Variants in CNTRL observed in about 807,000 individuals in gnomAD.
CNTRL encodes the protein 110 kDa centrosomal protein.
In CNTRL, 233 loss-of-function variants were observed where a neutral mutation model predicts 303.7. The ratio of observed to expected loss-of-function variants is 0.77; its 90% CI spans 0.69 to 0.86. CNTRL has a LOEUF of 0.86. CNTRL is among the 40% of genes least tolerant of loss of function. The pLI, the probability that CNTRL is intolerant of heterozygous loss-of-function variation, is 0.00. For synonymous variants in CNTRL, 900 were observed against 922.2 expected (o/e 0.98, Z 0.44); for missense variants, 2,524 against 2,650.6 (o/e 0.95, Z 1.05).
intron 40 of CNTRL, among the ~76,000 whole-genome samples, chr9:121,172,796 T>C (rs2053366162): frequency 6.6e-6 from 1 of 152,234 alleles, no homozygotes; most frequent in Non-Finnish European, 1.5e-5. Flanking sequence ...TAGTTGCCAG[T>C]TGGGTGCCAC....
chr9:121,088,590 A>G, intron 3 of CNTRL, 47 bp downstream of exon 3: 2 of 1,281,868 alleles, frequency 1.6e-6, no homozygotes, highest in Non-Finnish European at 2.2e-6. Flanking sequence ...TACTTCAAGT[A>G]GAGATGGAAA....
intron 11 of CNTRL, among the ~76,000 whole-genome samples, chr9:121,116,045 G>GA (rs202199630): frequency 0.075 from 11,345 of 151,226 alleles, 597 homozygotes; most frequent in Middle Eastern, 0.13. Context: ...AAACAAAAAG[G>GA]AAAAAAAATA....
At chr9:121,082,714 G>T (rs2048186993) in intron 2 of CNTRL, among the ~76,000 whole-genome samples, 1 of 152,184 alleles carries the variant, frequency 6.6e-6, no homozygotes, top group Admixed American at 6.5e-5. Flanking sequence ...GCTCACACTT[G>T]TAATCCCAGC....
chr9:121,145,214 CA>C (rs770500042), intron 21 of CNTRL, 29 bp from the exon 22 acceptor site: 1 of 1,587,960 alleles, frequency 6.3e-7, no homozygotes, highest in South Asian at 1.2e-5. Context: ...AATTCATTGG[CA>C]ACTTTGTATG....
intron 7 of CNTRL, among the ~76,000 whole-genome samples, chr9:121,098,829 C>G (rs199988291): frequency 7.0e-6 from 1 of 142,600 alleles, no homozygotes; most frequent in East Asian, 2.0e-4. Flanking sequence ...AGAAGACAGA[C>G]AAAAAAAAAA....
intron 1 of CNTRL, among the ~76,000 whole-genome samples, 160 bp downstream of exon 1, chr9:121,075,227 G>A (rs908601187): frequency 4.6e-5 from 7 of 152,382 alleles, no homozygotes; most frequent in Middle Eastern, 3.4e-3. Flanking sequence ...GGACGGGAAA[G>A]AGGGGAGGGC....
At chr9:121,096,223 T>C (rs2048885532) in intron 5 of CNTRL, among the ~76,000 whole-genome samples, 199 bp from the exon 6 acceptor site, 1 of 152,240 alleles carries the variant, frequency 6.6e-6, no homozygotes, top group Non-Finnish European at 1.5e-5. Context: ...CTGGGCATAG[T>C]AATAAAAAGT....
chr9:121,137,404 C>T (rs2051257239), intron 15 of CNTRL, among the ~76,000 whole-genome samples: 1 of 152,116 alleles, frequency 6.6e-6, no homozygotes. Flanking sequence ...CAAATTGTAT[C>T]TGTTTGTTTC....
At chr9:121,081,523 C>A (rs143926731) in intron 2 of CNTRL, among the ~76,000 whole-genome samples, 105 of 152,320 alleles carry the variant, frequency 6.9e-4, no homozygotes, top group Non-Finnish European at 1.2e-3. Flanking sequence ...ATACTTCTGA[C>A]CACCAAGCTA....
chr9:121,156,514 C>T (rs1017131096), intron 27 of CNTRL, among the ~76,000 whole-genome samples: 3 of 152,174 alleles, frequency 2.0e-5, no homozygotes, highest in East Asian at 1.9e-4. Flanking sequence ...AATGGAAAGA[C>T]GTATGGTAAA....
chr9:121,119,079 TA>T (rs2050108060), intron 12 of CNTRL, among the ~76,000 whole-genome samples: 1 of 101,680 alleles, frequency 9.8e-6, no homozygotes, highest in Non-Finnish European at 2.3e-5. Context: ...TACATAAATA[TA>T]TGTGTGTGTG....
intron 15 of CNTRL, among the ~76,000 whole-genome samples, chr9:121,137,104 A>G (rs2051241194): frequency 6.6e-6 from 1 of 152,146 alleles, no homozygotes; most frequent in African/African-American, 2.4e-5. Flanking sequence ...GGAGTGAGGA[A>G]AGAGAATGAG....
chr9:121,131,546 C>T (rs1020711740), intron 14 of CNTRL, among the ~76,000 whole-genome samples: 11 of 152,178 alleles, frequency 7.2e-5, no homozygotes, highest in Non-Finnish European at 1.3e-4. Flanking sequence ...AGATGGGTCT[C>T]CTGAATATAG....
intron 18 of CNTRL, 101 bp from the exon 19 acceptor site, chr9:121,141,990 A>C: frequency 1.1e-6 from 1 of 916,404 alleles, no homozygotes; most frequent in Non-Finnish European, 1.6e-6. Flanking sequence ...AAATTAAGTT[A>C]CAGCCTGTTG....
chr9:121,158,787 A>G (rs2052710714), intron 30 of CNTRL, 68 bp from the exon 31 acceptor site: 2 of 1,413,750 alleles, frequency 1.4e-6, no homozygotes, highest in East Asian at 2.3e-5. Context: ...CAACTAAATT[A>G]TCTCCAGGTT....
chr9:121,112,962 G>C (rs755551143), intron 9 of CNTRL, among the ~76,000 whole-genome samples: 9 of 152,132 alleles, frequency 5.9e-5, no homozygotes, highest in Non-Finnish European at 1.3e-4. Flanking sequence ...ACTGGGTTCA[G>C]TATTAATCAA....
intron 34 of CNTRL, 38 bp downstream of exon 34, chr9:121,162,309 T>C (rs892156109): frequency 2.6e-6 from 4 of 1,547,576 alleles, no homozygotes; most frequent in Non-Finnish European, 3.6e-6. Context: ...GGATCACTTC[T>C]TCAGGCCAAA....
In CNTRL at chr9:121,093,589, T is replaced by C. The variant is rs149455053; in HGVS notation, c.349-1299T>C. Among the ~76,000 whole-genome samples, 74 of 152,258 alleles carry C rather than the reference T, an allele frequency of 4.9e-4. No homozygotes were observed. The Middle Eastern group carries it at 0.01, about 21-fold the overall frequency. On this transcript the variant is annotated intron_variant, in intron 4 of 43. Coordinates refer to ENST00000373855, the MANE Select transcript of CNTRL (RefSeq NM_007018.6). Reference sequence around the variant, plus strand: ...ATGTAGACAATTCGTGTGAGAACATTGGTGGTAGATAAGGAAGATAAGATG... The same window carrying C: ...ATGTAGACAATTCGTGTGAGAACATCGGTGGTAGATAAGGAAGATAAGATG...
At position 121,123,599 on chromosome 9, in the gene CNTRL, A is replaced by AAAAT. The variant is rs536338306; in HGVS notation, c.1651-312_1651-309dup. 7.7e-3 allele frequency among the ~76,000 whole-genome samples: 1,166 copies of AAAAT among 152,008 alleles called. 12 individuals carry two copies. The highest frequency in any genetic ancestry group is 0.02 in the African/African-American group (815 of 41,372). On this transcript the variant is annotated intron_variant, in intron 12 of 43. Coordinates refer to ENST00000373855, the MANE Select transcript of CNTRL (RefSeq NM_007018.6). ...GGGTGATGGAGTCAGACTCCATCTCAAAATAAATAAATAAATAAATAAAAA... is the reference window on the plus strand; with the variant it reads ...GGGTGATGGAGTCAGACTCCATCTCAAAATAAATAAATAAATAAATAAATAAAAA...
Sources: allele counts gnomAD v4.1 joint callset (sites outside exome capture counted in the v4.1 genomes callset), GRCh38; gene constraint gnomAD v4.1.1; transcripts MANE v1.5; gene names NCBI Gene and HGNC (gene_info 2026-07-23, HGNC 2026-07-21).